OLFM3: variants seen among roughly 807,000 people sequenced by gnomAD.
The protein encoded by OLFM3 is olfactomedin 3.
A neutral mutation model predicts 48.6 loss-of-function variants in OLFM3; 20 were observed. The observed-to-expected ratio is 0.41, with a 90% CI of 0.29 to 0.60. OLFM3 has a LOEUF of 0.60. Among genes scored for constraint, OLFM3 ranks in the 20% least tolerant of loss-of-function variants. The pLI is 0.28. For missense variants in OLFM3, 437 were observed against 544.3 expected (o/e 0.80, Z 1.96); for synonymous variants, 222 against 198.1 (o/e 1.12, Z -1.01).
intron 1 of OLFM3, chr1:101,859,874 A>G (rs1656579610): frequency 6.6e-6 from 1 of 151,520 alleles, no homozygotes; most frequent in South Asian, 2.1e-4. Context: ...CAGCACATAT[A>G]CTAACATGGA....
chr1:101,935,333 G>A lies in OLFM3; in HGVS notation c.69+61415C>T, dbSNP rs964658257. Reference sequence around the variant, plus strand: ...AGAAATAAAAAAAAAAATCATCAGAGACTACTGTGAACACCTCTATGCACA... The same window carrying A: ...AGAAATAAAAAAAAAAATCATCAGAAACTACTGTGAACACCTCTATGCACA... On this transcript the variant is annotated intron_variant, in intron 1 of 5. Coordinates refer to ENST00000370103, the MANE Select transcript of OLFM3 (RefSeq NM_058170.4). 2.0e-5 allele frequency among the ~76,000 whole-genome samples: 3 copies of A among 151,054 alleles called. No individual in the cohort carries two copies. The East Asian group carries it at 5.8e-4, about 29-fold the overall frequency.
chr1:101,920,957 CTGTTA>C, intron 1 of OLFM3, among the ~76,000 whole-genome samples: 2 of 152,222 alleles, frequency 1.3e-5, no homozygotes, highest in East Asian at 3.9e-4. Flanking sequence ...ATTACTTCTA[CTGTTA>C]TAAGTACAAT....
chr1:101,832,667 A>G (rs1470761107), intron 2 of OLFM3, among the ~76,000 whole-genome samples: 2 of 152,186 alleles, frequency 1.3e-5, no homozygotes, highest in African/African-American at 4.8e-5. Context: ...CCAGGCACAG[A>G]GTAAGTGTTC....
intron 1 of OLFM3, among the ~76,000 whole-genome samples, chr1:101,896,913 A>G (rs1262067666): frequency 1.3e-5 from 2 of 152,104 alleles, no homozygotes; most frequent in Non-Finnish European, 2.9e-5. Flanking sequence ...TGCAAACAAC[A>G]AAATTCTTAG....
chr1:101,874,588 A>C (rs1049651596), intron 1 of OLFM3, among the ~76,000 whole-genome samples: 14 of 151,890 alleles, frequency 9.2e-5, no homozygotes, highest in Non-Finnish European at 1.9e-4. Flanking sequence ...ATACTAAATA[A>C]TTTGATCATT....
At chr1:101,995,391 T>C (rs1661529649) in intron 1 of OLFM3, among the ~76,000 whole-genome samples, 1 of 152,142 alleles carries the variant, frequency 6.6e-6, no homozygotes. Flanking sequence ...TTCCTAAGTG[T>C]AAAATGCTTT....
intron 1 of OLFM3, among the ~76,000 whole-genome samples, chr1:101,852,708 A>G (rs368621840): frequency 1.9e-4 from 29 of 152,232 alleles, no homozygotes; most frequent in African/African-American, 6.7e-4. Context: ...AAACAAAAAT[A>G]CACCAAACAA....
At chr1:101,978,764 G>T (rs373576654) in intron 1 of OLFM3, among the ~76,000 whole-genome samples, 1 of 151,998 alleles carries the variant, frequency 6.6e-6, no homozygotes, top group South Asian at 2.1e-4. Context: ...TACTTTATGC[G>T]CTCCTTTCAT....
intron 4 of OLFM3, among the ~76,000 whole-genome samples, chr1:101,817,081 G>C (rs1330145143): frequency 6.6e-6 from 1 of 152,090 alleles, no homozygotes; most frequent in Admixed American, 6.6e-5. Context: ...GTAAAATGTG[G>C]TAAAATAAAA....
intron 1 of OLFM3, among the ~76,000 whole-genome samples, chr1:101,873,625 A>C (rs1557710932): frequency 6.7e-6 from 1 of 149,336 alleles, no homozygotes; most frequent in Non-Finnish European, 1.5e-5. Context: ...TCTGAGTTTA[A>C]TTTTTTTTTT....
chr1:101,862,367 G>A (rs1656693284), intron 1 of OLFM3, among the ~76,000 whole-genome samples: 1 of 152,146 alleles, frequency 6.6e-6, no homozygotes, highest in South Asian at 2.1e-4. Flanking sequence ...TTGAGAGGTT[G>A]ACCTCATAGG....
chr1:101,986,033 T>G (rs2101114941), intron 1 of OLFM3, among the ~76,000 whole-genome samples: 1 of 150,714 alleles, frequency 6.6e-6, no homozygotes, highest in African/African-American at 2.4e-5. Context: ...TGGCGCGATC[T>G]CGGCTCACTG....
Position 101,988,118 on chromosome 1 carries a change from G to T in OLFM3, c.69+8630C>A, listed in dbSNP as rs185816611. Among the ~76,000 whole-genome samples the T allele has an allele frequency of 1.3e-3, 199 of 151,968 alleles. 1 individual carries two copies. The highest frequency in any genetic ancestry group is 4.4e-3 in the African/African-American group (184 of 41,484). On this transcript the variant is annotated intron_variant, in intron 1 of 5. Coordinates refer to ENST00000370103, the MANE Select transcript of OLFM3 (RefSeq NM_058170.4). ...ATATACTAAGATAATAATTTAAACA[G>T]AACCTTTAGATACTTAAAAAAAGGT...
intron 1 of OLFM3, among the ~76,000 whole-genome samples, chr1:101,970,873 G>C (rs548994624): frequency 6.6e-6 from 1 of 152,148 alleles, no homozygotes; most frequent in Non-Finnish European, 1.5e-5. Context: ...GAGGGATAGC[G>C]CGTACATAAT....
intron 1 of OLFM3, among the ~76,000 whole-genome samples, chr1:101,914,980 A>T (rs2101032005): frequency 6.6e-6 from 1 of 152,232 alleles, no homozygotes; most frequent in South Asian, 2.1e-4. Context: ...TCTTGATTTC[A>T]TTCCTCACTT....
chr1:101,840,434 C>A (rs1655661273), intron 1 of OLFM3, among the ~76,000 whole-genome samples: 1 of 151,036 alleles, frequency 6.6e-6, no homozygotes, highest in Non-Finnish European at 1.5e-5. Context: ...GCCTTTTAGG[C>A]AGACCTGGGA....
chr1:101,831,907 T>TTGC (rs1167791143), intron 2 of OLFM3, among the ~76,000 whole-genome samples: 1 of 152,204 alleles, frequency 6.6e-6, no homozygotes, highest in Admixed American at 6.5e-5. Flanking sequence ...TTTGTTGTTG[T>TTGC]TGCTGTTTTT....
intron 1 of OLFM3, among the ~76,000 whole-genome samples, chr1:101,968,399 A>G (rs185785231): frequency 9.2e-5 from 14 of 152,268 alleles, no homozygotes; most frequent in Admixed American, 2.0e-4. Flanking sequence ...AGGTTTTCCA[A>G]TTAACCCACA....
intron 1 of OLFM3, among the ~76,000 whole-genome samples, chr1:101,977,833 C>T (rs1467174914): frequency 7.9e-5 from 12 of 151,884 alleles, no homozygotes; most frequent in Non-Finnish European, 1.6e-4. Flanking sequence ...AACACCATTG[C>T]TTCATAAATT....
Sources: gnomAD v4.1 joint callset for allele counts (sites outside exome capture counted in the v4.1 genomes callset) on GRCh38, gnomAD v4.1.1 for gene constraint, MANE v1.5 for transcripts, NCBI Gene and HGNC (gene_info 2026-07-23, HGNC 2026-07-21) for gene names.